The following QRSL1 variants were observed in gnomAD, a reference collection of about 807,000 sequenced individuals.
QRSL1 encodes the protein glutamyl-tRNA(Gln) amidotransferase subunit A, mitochondrial.
Under a neutral mutation model 61.6 loss-of-function variants are expected in QRSL1, and 54 were observed. The observed-to-expected ratio is 0.88, with a 90% CI of 0.70 to 1.10. The LOEUF is 1.10. Among genes scored for constraint, QRSL1 ranks in the 50% least tolerant of loss-of-function variants. QRSL1 has a pLI of 0.00. For synonymous variants in QRSL1, 228 were observed against 225.7 expected, an observed-to-expected ratio of 1.01 and a Z score of -0.09; for missense variants, 505 against 622.6, an observed-to-expected ratio of 0.81 and a Z score of 2.01.
intron 1 of QRSL1, among the ~76,000 whole-genome samples, chr6:106,633,744 T>C (rs1194440507): frequency 6.6e-6 from 1 of 152,182 alleles, no homozygotes; most frequent in Admixed American, 6.5e-5. Context: ...TTCATTTGGC[T>C]TCTTGGAGCT....
intron 3 of QRSL1, 30 bp from the exon 4 acceptor site, chr6:106,642,964 A>G (rs1777046152): frequency 1.4e-6 from 2 of 1,469,618 alleles, no homozygotes; most frequent in South Asian, 2.4e-5. Flanking sequence ...TGGACTGTAA[A>G]AAAAATAATA....
chr6:106,652,799 TAGAC>T, intron 7 of QRSL1: 1 of 1,449,734 alleles, frequency 6.9e-7, no homozygotes, highest in Non-Finnish European at 9.2e-7. Flanking sequence ...GAGGATCAAT[TAGAC>T]AGTCATGTTA....
intron 10 of QRSL1, among the ~76,000 whole-genome samples, chr6:106,663,693 T>C (rs544709965): frequency 2.6e-5 from 4 of 152,268 alleles, no homozygotes; most frequent in East Asian, 3.9e-4. Flanking sequence ...ACCTTCAACA[T>C]TGGGGATTAC....
intron 1 of QRSL1, among the ~76,000 whole-genome samples, chr6:106,635,916 C>T (rs1471768961): frequency 1.3e-5 from 2 of 151,830 alleles, no homozygotes; most frequent in Admixed American, 6.6e-5. Context: ...ACCTCTAATG[C>T]TGTCTGTTAA....
chr6:106,659,893 C>T (rs1236416374), intron 9 of QRSL1, among the ~76,000 whole-genome samples: 1 of 152,220 alleles, frequency 6.6e-6, no homozygotes, highest in Admixed American at 6.5e-5. Context: ...ATTGTTCAGT[C>T]CACTGCTCTT....
rs959143367 is a variant in QRSL1, at chr6:106,657,143, C to T, written c.1160+1411C>T. Among the ~76,000 whole-genome samples the T allele has an allele frequency of 2.0e-5, 3 of 152,084 alleles. No individual in the cohort carries two copies. The East Asian group carries it at 5.8e-4, about 29-fold the overall frequency. ...AATTAGCTGGGCGTGGTGGTGGGCA[C>T]CTGCAATCCCAGCAACTCGAGAGAC... is the stretch of plus-strand genomic sequence containing the variant. On this transcript the variant is annotated intron_variant, in intron 9 of 10. Transcript: ENST00000369046.
At chr6:106,665,696 G>A (rs1449770115) in intron 10 of QRSL1, 86 bp from the exon 11 acceptor site, 6 of 1,120,518 alleles carry the variant, frequency 5.4e-6, no homozygotes, top group Non-Finnish European at 8.2e-6. Flanking sequence ...ATCCTGTATT[G>A]TACTTATTAG....
intron 9 of QRSL1, among the ~76,000 whole-genome samples, chr6:106,657,632 G>C (rs143597104): frequency 6.6e-6 from 1 of 152,244 alleles, no homozygotes; most frequent in Non-Finnish European, 1.5e-5. Context: ...AACTTGGGTA[G>C]ACAAAAGTGA....
intron 1 of QRSL1, 134 bp from the exon 2 acceptor site, chr6:106,640,215 T>C: frequency 1.4e-6 from 1 of 726,964 alleles, no homozygotes; most frequent in Non-Finnish European, 2.3e-6. Flanking sequence ...AGGTAATAGG[T>C]TCTCTTGATT....
intron 9 of QRSL1, among the ~76,000 whole-genome samples, chr6:106,658,861 C>T (rs548898708): frequency 2.6e-5 from 4 of 152,022 alleles, no homozygotes; most frequent in Non-Finnish European, 1.5e-5. Flanking sequence ...CTATTATTTC[C>T]TCAAATATTT....
Position 106,654,453 on chromosome 6 carries a change from G to A in QRSL1, c.850-277G>A, listed in dbSNP as rs113432461. Among the ~76,000 whole-genome samples the A allele has an allele frequency of 3.4e-3, 458 of 136,110 alleles. 4 individuals carry two copies. The highest frequency in any genetic ancestry group is 0.011 in the African/African-American group (420 of 38,686). The allele number at this position is 136,110 out of a possible 152,430, so 89.3% of individuals were successfully genotyped here. ...TGCTGTTAGGTTCCTGATACATAAT[G>A]AGCATTTAACAAATATTTTCCCCAA... On this transcript the variant is annotated intron_variant, in intron 7 of 10. Transcript: ENST00000369046.
At chr6:106,657,693 T>A (rs1390774048) in intron 9 of QRSL1, among the ~76,000 whole-genome samples, 1 of 152,162 alleles carries the variant, frequency 6.6e-6, no homozygotes, top group Non-Finnish European at 1.5e-5. Context: ...AGTCAACTTA[T>A]GTGCCAGGAA....
At chr6:106,652,707 GTATGTGACTTAAT>G in intron 7 of QRSL1, 125 bp downstream of exon 7, 1 of 1,552,944 alleles carries the variant, frequency 6.4e-7, no homozygotes, top group Non-Finnish European at 8.7e-7. Flanking sequence ...TGTGAGTTGA[GTATGTGACTTAAT>G]CTCTTTTAGC....
At chr6:106,642,487 G>A (rs1777036966) in intron 3 of QRSL1, 1 of 682,136 alleles carries the variant, frequency 1.5e-6, no homozygotes, top group Non-Finnish European at 2.7e-6. Flanking sequence ...AAAGAGGAGA[G>A]GCACCCAATA....
intron 3 of QRSL1, chr6:106,642,598 A>T: frequency 2.6e-6 from 2 of 754,940 alleles, no homozygotes; most frequent in Non-Finnish European, 4.8e-6. Context: ...GTATTGTTCA[A>T]AAAGGAATGC....
chr6:106,665,746 G>T, intron 10 of QRSL1, 36 bp from the exon 11 acceptor site: 1 of 1,569,244 alleles, frequency 6.4e-7, no homozygotes. Flanking sequence ...TTAGGGTGGA[G>T]AATTAATCAC....
rs1554200732 is a variant in QRSL1 at position 106,639,116 on chromosome 6, G to GTTTTTTTT, written c.25-1231_25-1230insTTTTTTTT. On this transcript the variant is annotated intron_variant, in intron 1 of 10. Coordinates refer to ENST00000369046, the MANE Select transcript of QRSL1 (RefSeq NM_018292.5). ...ACTTGTGTGGTTATTTGTGTGTTTTGTTGTTTTTTTTTTTTTTTTTTTTTT... is the reference window on the plus strand; with the variant it reads ...ACTTGTGTGGTTATTTGTGTGTTTTGTTTTTTTTTTGTTTTTTTTTTTTTTTTTTTTTT... Among the ~76,000 whole-genome samples, 420 of 54,300 alleles carry GTTTTTTTT rather than the reference G, an allele frequency of 7.7e-3. 35 individuals are homozygous for GTTTTTTTT. The highest frequency in any genetic ancestry group is 0.037 in the East Asian group (93 of 2,514). The allele number at this position is 54,300 out of a possible 152,430, so 35.6% of individuals were successfully genotyped here.
At position 106,667,938 on chromosome 6, in the gene QRSL1, G is replaced by A. The variant is rs1279703221; in HGVS notation, c.*1936G>A. 1 of 133,874 alleles carries A rather than the reference G, an allele frequency of 7.5e-6. No individual in the cohort carries two copies. Among genetic ancestry groups the A allele is most frequent in the Admixed American group, 7.5e-5 (1 of 13,334 alleles). The allele number at this position is 133,874 out of a possible 1,614,324, so 8.3% of individuals were successfully genotyped here. ...AATAAACAAACCGTTGCCCCAATCT[G>A]TTTTTATGTAATGAATTTAAAAAAA... On this transcript the variant is annotated 3_prime_UTR_variant, in exon 11 of 11. Coordinates refer to ENST00000369046, the MANE Select transcript of QRSL1 (RefSeq NM_018292.5).
rs895931663 is a variant in QRSL1, at chr6:106,663,050, T to C, written c.1231T>C (p.Phe411Leu). 14 of 1,613,080 alleles carry C rather than the reference T, an allele frequency of 8.7e-6. No individual in the cohort carries two copies. The highest frequency in any genetic ancestry group is 1.2e-5 in the Non-Finnish European group (14 of 1,178,978). The change falls in exon 10 of 11, where the codon TTT becomes CTT. Residue 411 changes from phenylalanine (F) to leucine (L), a missense_variant. Coordinates refer to ENST00000369046, the MANE Select transcript of QRSL1 (RefSeq NM_018292.5). ...RLIANDFVNA[F>L]NSGVDVLLTP... Reference sequence around the variant, plus strand: ...CATTGCTAATGACTTTGTAAATGCTTTTAACTCTGGAGTAGATGTCTTGCT... The same window carrying C: ...CATTGCTAATGACTTTGTAAATGCTCTTAACTCTGGAGTAGATGTCTTGCT...
Sources: gnomAD v4.1 joint callset for allele counts (sites outside exome capture counted in the v4.1 genomes callset) on GRCh38, gnomAD v4.1.1 for gene constraint, MANE v1.5 for transcripts, NCBI Gene and HGNC (gene_info 2026-07-23, HGNC 2026-07-21) for gene names.